Variants in LTBP1 observed in about 807,000 individuals in gnomAD.
The protein encoded by LTBP1 is latent-transforming growth factor beta-binding protein 1.
In LTBP1, 129 loss-of-function variants were observed where a neutral mutation model predicts 207.6. That is an observed-to-expected ratio of 0.62 (90% CI 0.54 to 0.72). LTBP1 has a LOEUF of 0.72. Among genes scored for constraint, LTBP1 ranks in the 30% least tolerant of loss-of-function variants. LTBP1 has a pLI of 0.00. For synonymous variants in LTBP1, 963 were observed against 833.7 expected (o/e 1.16, Z -2.67); for missense variants, 2,281 against 2,217.2 (o/e 1.03, Z -0.58).
In LTBP1 at chr2:32,947,856, G is replaced by T. The variant is rs1029619382; in HGVS notation, c.494+38G>T. 3.9e-6 allele frequency: 5 copies of T among 1,270,686 alleles called. No homozygotes were observed. The African/African-American group carries it at 7.8e-5, about 20-fold the overall frequency. 78.7% of individuals were successfully genotyped at this position (1,270,686 alleles called of 1,614,324 possible). On this transcript the variant is annotated intron_variant, in intron 1 of 33. Transcript: ENST00000404816. ...CCCCTTCCGCCCGCCCGCCCGCCTC[G>T]CGCGCACCGCCCGCGGAGGGACCTG...
At chr2:33,103,431 G>A (rs895284217) in intron 3 of LTBP1, among the ~76,000 whole-genome samples, 2 of 152,138 alleles carry the variant, frequency 1.3e-5, no homozygotes, top group Non-Finnish European at 2.9e-5. Context: ...TATGCTGTAT[G>A]CACCATGTGT....
At chr2:32,967,308 A>G (rs1310622296) in intron 2 of LTBP1, among the ~76,000 whole-genome samples, 3 of 151,678 alleles carry the variant, frequency 2.0e-5, no homozygotes, top group Non-Finnish European at 4.4e-5. Context: ...TTCTATTTTC[A>G]GTTTCATCGA....
At chr2:33,200,444 T>C (rs915596219) in intron 7 of LTBP1, among the ~76,000 whole-genome samples, 6 of 152,212 alleles carry the variant, frequency 3.9e-5, no homozygotes, top group African/African-American at 1.4e-4. Flanking sequence ...TGAAACTGGA[T>C]CTCTTCTTTA....
At chr2:33,347,266 T>G (rs1001364553) in intron 25 of LTBP1, 101 bp from the exon 26 acceptor site, 1 of 1,397,416 alleles carries the variant, frequency 7.2e-7, no homozygotes, top group Non-Finnish European at 1.0e-6. Context: ...GGGGATCGCC[T>G]TCTTTTCAGC....
At chr2:33,069,333 T>C (rs2077672326) in intron 3 of LTBP1, among the ~76,000 whole-genome samples, 1 of 152,178 alleles carries the variant, frequency 6.6e-6, no homozygotes, top group South Asian at 2.1e-4. Flanking sequence ...TCTGCACCTC[T>C]TCCTCCTGTG....
intron 28 of LTBP1, 146 bp downstream of exon 28, chr2:33,361,661 A>G (rs1164325515): frequency 1.8e-6 from 1 of 540,704 alleles, no homozygotes; most frequent in Non-Finnish European, 3.2e-6. Flanking sequence ...ATTAAAAGAA[A>G]GTCCCCATGG....
intron 9 of LTBP1, among the ~76,000 whole-genome samples, chr2:33,233,900 G>T (rs2091916666): frequency 6.6e-6 from 1 of 151,446 alleles, no homozygotes; most frequent in South Asian, 2.1e-4. Context: ...TGACTATTCA[G>T]TGGAGCCATT....
At chr2:33,349,968 G>T (rs987573512) in intron 26 of LTBP1, among the ~76,000 whole-genome samples, 1 of 152,194 alleles carries the variant, frequency 6.6e-6, no homozygotes, top group African/African-American at 2.4e-5. Flanking sequence ...ATGAGCATCA[G>T]CAGTGATATT....
intron 24 of LTBP1, among the ~76,000 whole-genome samples, chr2:33,339,401 T>C (rs79491108): frequency 2.0e-5 from 3 of 152,186 alleles, no homozygotes; most frequent in African/African-American, 7.2e-5. Context: ...AATCCTGTGG[T>C]TCAATGAATA....
rs371848085 is a variant in LTBP1 at position 33,321,408 on chromosome 2, G to T, written c.3730+6139G>T. Among the ~76,000 whole-genome samples, 255 of 152,258 alleles carry T rather than the reference G, an allele frequency of 1.7e-3. 1 individual carries two copies. Among genetic ancestry groups the T allele is most frequent in the African/African-American group, 5.6e-3 (233 of 41,558 alleles). On this transcript the variant is annotated intron_variant, in intron 24 of 33. Transcript: ENST00000404816. ...GTGATATCACAACCGAGAGAAGGTG[G>T]ATTCAAACTCTCAGGCTAATTTTGT...
chr2:33,070,509 A>G (rs185700147), intron 3 of LTBP1, among the ~76,000 whole-genome samples: 31 of 152,214 alleles, frequency 2.0e-4, no homozygotes, highest in Admixed American at 4.6e-4. Context: ...CTGCCCAGTC[A>G]CTCACCTAAG....
In LTBP1 at chr2:33,076,811, A is replaced by G. The variant is rs2078107564; in HGVS notation, c.864-33771A>G. Among the ~76,000 whole-genome samples, 7 of 126,292 alleles carry G rather than the reference A, an allele frequency of 5.5e-5. No homozygotes were observed. The Admixed American group carries it at 6.5e-4, about 12-fold the overall frequency. The allele number at this position is 126,292 out of a possible 152,430, so 82.9% of individuals were successfully genotyped here. ...CGGCCTCCCAAAGTACTGGGATTAC[A>G]GGCATGAGCCACCGCGCCCAGACCC... On this transcript the variant is annotated intron_variant, in intron 3 of 33. Transcript: ENST00000404816.
chr2:33,098,385 A>G (rs1454481616), intron 3 of LTBP1, among the ~76,000 whole-genome samples: 2 of 152,084 alleles, frequency 1.3e-5, no homozygotes, highest in African/African-American at 4.8e-5. Flanking sequence ...CATTGCAGAT[A>G]TTTTTCAAAT....
chr2:32,951,080 G>A (rs1461221067), intron 2 of LTBP1, among the ~76,000 whole-genome samples: 1 of 152,156 alleles, frequency 6.6e-6, no homozygotes, highest in African/African-American at 2.4e-5. Flanking sequence ...TACTTACAGG[G>A]CTCTAGAGGA....
chr2:33,355,513 G>GT (rs2094847509), intron 26 of LTBP1, among the ~76,000 whole-genome samples: 1 of 151,962 alleles, frequency 6.6e-6, no homozygotes, highest in Admixed American at 6.6e-5. Context: ...GTTTTTGTAT[G>GT]TTTTTTATTT....
intron 26 of LTBP1, among the ~76,000 whole-genome samples, chr2:33,351,910 T>C (rs2094787114): frequency 6.6e-6 from 1 of 152,210 alleles, no homozygotes; most frequent in African/African-American, 2.4e-5. Flanking sequence ...ATTTATGTTA[T>C]TCCCCTGGGA....
At position 33,203,452 on chromosome 2, in the gene LTBP1, A is replaced by G. The variant is rs1362466820; in HGVS notation, c.1702-14100A>G. 2.0e-5 allele frequency among the ~76,000 whole-genome samples: 3 copies of G among 152,312 alleles called. No individual in the cohort carries two copies. The East Asian group carries it at 5.8e-4, about 29-fold the overall frequency. On this transcript the variant is annotated intron_variant, in intron 7 of 33. Transcript: ENST00000404816. ...ATATAGATTCTTAGAACTTCAGAGA[A>G]TGGGTTGTGACCCAGACGTTACCCT...
intron 7 of LTBP1, among the ~76,000 whole-genome samples, chr2:33,197,260 A>G (rs1413445158): frequency 6.6e-6 from 1 of 152,200 alleles, no homozygotes; most frequent in Non-Finnish European, 1.5e-5. Context: ...TCAAGTATGA[A>G]GTAGTTGGCC....
In LTBP1 at chr2:32,947,181, C is replaced by T; in HGVS notation, c.-144C>T. The T allele has an allele frequency of 1.9e-6, 1 of 528,050 alleles. No individual in the cohort carries two copies. Among genetic ancestry groups the T allele is most frequent in the Non-Finnish European group, 2.8e-6 (1 of 354,576 alleles). The allele number at this position is 528,050 out of a possible 1,614,324, so 32.7% of individuals were successfully genotyped here. ...CTCAGCTGCCCGCAGAGCCTCCTCC[C>T]TCGCCACCGACTTGGTCTCCTCCCG... On this transcript the variant is annotated 5_prime_UTR_variant, in exon 1 of 34. Transcript: ENST00000404816.
Sources: allele counts gnomAD v4.1 joint callset (sites outside exome capture counted in the v4.1 genomes callset), GRCh38; gene constraint gnomAD v4.1.1; transcripts MANE v1.5; gene names NCBI Gene and HGNC (gene_info 2026-07-23, HGNC 2026-07-21).